The following SLC5A11 variants were observed in gnomAD, a reference collection of about 807,000 sequenced individuals.
SLC5A11 encodes solute carrier family 5 member 11.
SLC5A11 carries 48 observed loss-of-function variants against 69.8 expected under a neutral mutation model. The ratio of observed to expected loss-of-function variants is 0.69; its 90% confidence interval spans 0.55 to 0.87. The LOEUF (loss-of-function observed/expected upper bound fraction) is 0.87, where lower values mean the gene tolerates loss of function less well. Among genes scored for constraint, SLC5A11 ranks in the 40% least tolerant of loss-of-function variants. The pLI, the probability that SLC5A11 is intolerant of heterozygous loss-of-function variation, is 0.00. For synonymous variants in SLC5A11, 319 were observed against 342.4 expected, an observed-to-expected ratio of 0.93 and a Z score of 0.75; for missense variants, 784 against 866.1, an observed-to-expected ratio of 0.91 and a Z score of 1.19.
At chr16:24,870,444 CACACA>C (rs2047214823) in intron 4 of SLC5A11, among the ~76,000 whole-genome samples, 6 of 147,398 alleles carry the variant, frequency 4.1e-5, no homozygotes, top group African/African-American at 7.5e-5. Context: ...CAAAAAAAAA[CACACA>C]CACACACACA....
intron 3 of SLC5A11, among the ~76,000 whole-genome samples, chr16:24,862,951 A>G (rs2046674145): frequency 7.2e-6 from 1 of 139,480 alleles, no homozygotes; most frequent in Admixed American, 7.5e-5. Flanking sequence ...AATATATAAC[A>G]TATAATTATA....
intron 13 of SLC5A11, among the ~76,000 whole-genome samples, chr16:24,908,592 T>C (rs2050252277): frequency 1.3e-5 from 1 of 74,162 alleles, no homozygotes; most frequent in Non-Finnish European, 2.5e-5. Flanking sequence ...AGTGAGACTG[T>C]CTCAAAAAAA....
At chr16:24,889,044 G>T (rs921670047) in intron 8 of SLC5A11, among the ~76,000 whole-genome samples, 1 of 148,552 alleles carries the variant, frequency 6.7e-6, no homozygotes, top group Non-Finnish European at 1.5e-5. Flanking sequence ...TGATGCACCC[G>T]CGTTGGCCTC....
At chr16:24,892,470 A>C (rs66837518) in intron 9 of SLC5A11, among the ~76,000 whole-genome samples, 30,177 of 150,782 alleles carry the variant, frequency 0.2, 3,625 homozygotes, top group South Asian at 0.42. Flanking sequence ...GGAGAATAGA[A>C]TCAATATTTG....
rs1296560866 is a variant in SLC5A11, at chr16:24,858,600, T to A, written c.-24-20T>A. ...ATGATGCTAGGATCTGGCATTTGACTGGCATTTGCCCTTCCTCAGGATCCA... is the reference window on the plus strand; with the variant it reads ...ATGATGCTAGGATCTGGCATTTGACAGGCATTTGCCCTTCCTCAGGATCCA... On this transcript the variant is annotated intron_variant, in intron 1 of 15. Transcript: ENST00000347898. The A allele has an allele frequency of 6.4e-7, 1 of 1,574,038 alleles. No individual in the cohort carries two copies. The highest frequency in any genetic ancestry group is 8.6e-7 in the Non-Finnish European group (1 of 1,157,532).
chr16:24,870,385 C>T (rs1223339778), intron 4 of SLC5A11, among the ~76,000 whole-genome samples: 1 of 151,060 alleles, frequency 6.6e-6, no homozygotes, highest in African/African-American at 2.4e-5. Context: ...AAGAGTGAAA[C>T]TCCGTCCCCC....
At chr16:24,907,904 G>A in intron 12 of SLC5A11, 59 bp from the exon 14 acceptor site, 6 of 1,582,316 alleles carry the variant, frequency 3.8e-6, no homozygotes, top group South Asian at 1.1e-5. Context: ...GACAGAGAGA[G>A]GGAAAGAGGA....
chr16:24,899,411 ATT>A (rs112784645), intron 10 of SLC5A11, among the ~76,000 whole-genome samples: 2 of 144,292 alleles, frequency 1.4e-5, no homozygotes. Context: ...TCCTTTTTGG[ATT>A]TTTTTTTTTT....
At chr16:24,903,249 T>C (rs58026646) in intron 10 of SLC5A11, among the ~76,000 whole-genome samples, 55,888 of 151,776 alleles carry the variant, frequency 0.37, 10,945 homozygotes, top group Non-Finnish European at 0.44. Context: ...TACATACTTA[T>C]AAGGTGCAGT....
At chr16:24,894,234 G>A (rs1198979756) in intron 9 of SLC5A11, among the ~76,000 whole-genome samples, 1 of 152,030 alleles carries the variant, frequency 6.6e-6, no homozygotes, top group Admixed American at 6.6e-5. Context: ...CTCAATTCTG[G>A]GAACCCACCC....
intron 10 of SLC5A11, among the ~76,000 whole-genome samples, chr16:24,904,741 T>A (rs1045631432): frequency 2.0e-5 from 3 of 152,196 alleles, no homozygotes; most frequent in African/African-American, 7.2e-5. Flanking sequence ...AAAACCCTCT[T>A]CTGCTAAGTC....
chr16:24,878,202 A>T (rs2047811377), intron 7 of SLC5A11, among the ~76,000 whole-genome samples: 1 of 152,184 alleles, frequency 6.6e-6, no homozygotes, highest in South Asian at 2.1e-4. Context: ...CAATGGCATA[A>T]TGTTTTTTCC....
chr16:24,900,999 A>G (rs745670844), intron 10 of SLC5A11, among the ~76,000 whole-genome samples: 6 of 151,872 alleles, frequency 4.0e-5, no homozygotes, highest in Admixed American at 6.6e-5. Flanking sequence ...GTCAGTCCCT[A>G]TGAAAAGAGC....
intron 1 of SLC5A11, among the ~76,000 whole-genome samples, chr16:24,854,846 C>T (rs937347857): frequency 1.3e-5 from 2 of 152,140 alleles, no homozygotes; most frequent in African/African-American, 4.8e-5. Flanking sequence ...GAATGCTTTT[C>T]CTGCTTGGAA....
chr16:24,870,208 C>T (rs1045415652), intron 4 of SLC5A11, among the ~76,000 whole-genome samples: 10 of 151,744 alleles, frequency 6.6e-5, no homozygotes, highest in East Asian at 2.0e-4. Flanking sequence ...GCCTGGCCAA[C>T]GTGGCGAAAC....
chr16:24,897,385 C>G (rs970301517), intron 9 of SLC5A11, among the ~76,000 whole-genome samples: 2 of 152,050 alleles, frequency 1.3e-5, no homozygotes, highest in Non-Finnish European at 2.9e-5. Flanking sequence ...ATTGGCAAGG[C>G]GTAACCCCTG....
intron 9 of SLC5A11, among the ~76,000 whole-genome samples, chr16:24,896,350 C>A (rs1361104077): frequency 6.6e-6 from 1 of 151,910 alleles, no homozygotes; most frequent in Admixed American, 6.6e-5. Context: ...TAAAAATTAG[C>A]TTGACATGGT....
chr16:24,872,369 G>T (rs2047362804), intron 5 of SLC5A11, 150 bp downstream of exon 6: 1 of 888,674 alleles, frequency 1.1e-6, no homozygotes, highest in African/African-American at 1.6e-5. Flanking sequence ...GGGGAGGGAT[G>T]ATCCACAGGT....
chr16:24,862,936 T>C (rs1470458462), intron 3 of SLC5A11, among the ~76,000 whole-genome samples: 1 of 141,884 alleles, frequency 7.0e-6, no homozygotes, highest in Admixed American at 7.4e-5. Flanking sequence ...ATATATATTA[T>C]ATAAAATATA....
Sources: allele counts gnomAD v4.1 joint callset (sites outside exome capture counted in the v4.1 genomes callset), GRCh38; gene constraint gnomAD v4.1.1; transcripts MANE v1.5; gene names NCBI Gene and HGNC (gene_info 2026-07-23, HGNC 2026-07-21).